CPLANE1: variants seen among roughly 807,000 people sequenced by gnomAD.
CPLANE1 encodes ciliogenesis and planar polarity effector 1.
A neutral mutation model predicts 362.5 loss-of-function variants in CPLANE1; 263 were observed. The ratio of observed to expected loss-of-function variants is 0.73; its 90% CI spans 0.66 to 0.80. The LOEUF is 0.80. Among genes scored for constraint, CPLANE1 ranks in the 30% least tolerant of loss-of-function variants. CPLANE1 has a pLI of 0.00. For missense variants in CPLANE1, 3,461 were observed against 3,793.4 expected (o/e 0.91, Z 2.30); for synonymous variants, 1,212 against 1,302.6 (o/e 0.93, Z 1.50).
At chr5:37,120,604 A>G (rs1254944290) in intron 49 of CPLANE1, among the ~76,000 whole-genome samples, 2 of 152,196 alleles carry the variant, frequency 1.3e-5, no homozygotes, top group African/African-American at 4.8e-5. Flanking sequence ...AGACCAAAAT[A>G]TAGCTCAGAT....
the CPLANE1 span, among the ~76,000 whole-genome samples, chr5:37,091,118 C>A: frequency 6.6e-6 from 1 of 152,300 alleles, no homozygotes; most frequent in Non-Finnish European, 1.5e-5. Context: ...TCCCACAATG[C>A]CCAGATTGTC....
the CPLANE1 span, among the ~76,000 whole-genome samples, chr5:37,093,342 C>T: frequency 1.3e-5 from 2 of 152,216 alleles, no homozygotes; most frequent in Non-Finnish European, 2.9e-5. Flanking sequence ...GGCATTCCAA[C>T]AGCAATTAAG....
intron 15 of CPLANE1, among the ~76,000 whole-genome samples, chr5:37,220,712 G>A (rs1795183348): frequency 6.6e-6 from 1 of 152,078 alleles, no homozygotes; most frequent in African/African-American, 2.4e-5. Context: ...AGTAGAGAAG[G>A]GGTTTCACCA....
At chr5:37,212,273 C>G in intron 16 of CPLANE1, 1 of 1,307,714 alleles carries the variant, frequency 7.6e-7, no homozygotes, top group Admixed American at 1.7e-5. Context: ...CAGATAAGAG[C>G]TCAAAAAAGA....
At chr5:37,096,553 G>T in the CPLANE1 span, among the ~76,000 whole-genome samples, 1 of 152,096 alleles carries the variant, frequency 6.6e-6, no homozygotes, top group Non-Finnish European at 1.5e-5. Context: ...AAGATAAATA[G>T]CTGGGTCTTA....
chr5:37,198,877 T>C lies in CPLANE1; in HGVS notation c.3508-11A>G. On this transcript the variant is annotated splice_polypyrimidine_tract_variant and intron_variant, in intron 19 of 52. Transcript: ENST00000651892. ...ATCATCACCATCTTCCTGAGGAAAA[T>C]AAAACAATCCATTTTAGTGGCTAGT... 3.1e-6 allele frequency: 5 copies of C among 1,612,270 alleles called. No homozygotes were observed. The highest frequency in any genetic ancestry group is 4.2e-6 in the Non-Finnish European group (5 of 1,179,016).
intron 15 of CPLANE1, among the ~76,000 whole-genome samples, chr5:37,221,111 G>A (rs991143265): frequency 1.3e-5 from 2 of 152,164 alleles, no homozygotes; most frequent in African/African-American, 2.4e-5. Flanking sequence ...AATCACCAGA[G>A]AGGTAGAACA....
intron 7 of CPLANE1, among the ~76,000 whole-genome samples, chr5:37,239,429 A>G (rs755994801): frequency 3.3e-5 from 5 of 152,106 alleles, no homozygotes; most frequent in Non-Finnish European, 7.4e-5. Flanking sequence ...AAAAAAATAC[A>G]AAAATTAGCC....
intron 43 of CPLANE1, among the ~76,000 whole-genome samples, chr5:37,144,112 TA>T (rs1418295569): frequency 6.6e-6 from 1 of 150,702 alleles, no homozygotes; most frequent in African/African-American, 2.4e-5. Flanking sequence ...CAATATAAGG[TA>T]AATAAAAGAA....
At chr5:37,241,225 G>A (rs192040272) in intron 6 of CPLANE1, among the ~76,000 whole-genome samples, 114 of 152,162 alleles carry the variant, frequency 7.5e-4, no homozygotes, top group Admixed American at 1.6e-3. Flanking sequence ...AGGCCAAGGC[G>A]GGCAGATCAT....
chr5:37,176,052 G>T, intron 30 of CPLANE1, 66 bp from the exon 31 acceptor site: 2 of 1,036,390 alleles, frequency 1.9e-6, no homozygotes, highest in Non-Finnish European at 1.5e-6. Flanking sequence ...AGGTATGAGT[G>T]ATCTATGCTC....
At chr5:37,201,521 A>T in intron 19 of CPLANE1, 70 bp downstream of exon 19, 1 of 1,277,786 alleles carries the variant, frequency 7.8e-7, no homozygotes, top group Non-Finnish European at 1.1e-6. Context: ...GATTATTATC[A>T]AGTTAATTAT....
chr5:37,181,471 A>G (rs1342183519), intron 26 of CPLANE1, among the ~76,000 whole-genome samples: 1 of 152,206 alleles, frequency 6.6e-6, no homozygotes, highest in Non-Finnish European at 1.5e-5. Context: ...GATGACTAAT[A>G]TCACAGTATC....
At chr5:37,223,279 C>T (rs1292748777) in intron 14 of CPLANE1, among the ~76,000 whole-genome samples, 2 of 152,174 alleles carry the variant, frequency 1.3e-5, no homozygotes, top group Non-Finnish European at 2.9e-5. Flanking sequence ...ATGTCAACTC[C>T]AAGAGGCTTT....
At chr5:37,165,697 T>C (rs753586980) in intron 35 of CPLANE1, 26 bp from the exon 36 acceptor site, 4 of 1,578,088 alleles carry the variant, frequency 2.5e-6, no homozygotes, top group Middle Eastern at 3.4e-4. Context: ...GCATAAAACA[T>C]ACTTTTACAA....
intron 50 of CPLANE1, 57 bp downstream of exon 50, chr5:37,120,159 G>C: frequency 6.5e-7 from 1 of 1,541,588 alleles, no homozygotes; most frequent in South Asian, 1.2e-5. Context: ...CACAACTTTG[G>C]AGACAAGAAG....
intron 35 of CPLANE1, among the ~76,000 whole-genome samples, chr5:37,166,356 CG>C (rs1778236339): frequency 6.6e-6 from 1 of 152,022 alleles, no homozygotes; most frequent in African/African-American, 2.4e-5. Flanking sequence ...CTAAAGAATA[CG>C]GTAAGATGAT....
intron 20 of CPLANE1, among the ~76,000 whole-genome samples, chr5:37,196,887 T>C (rs576035264): frequency 6.6e-6 from 1 of 151,056 alleles, no homozygotes; most frequent in African/African-American, 2.4e-5. Context: ...ACCATGCCAC[T>C]GCACCCAGCC....
chr5:37,243,238 A>G, intron 5 of CPLANE1, 119 bp from the exon 6 acceptor site: 1 of 623,596 alleles, frequency 1.6e-6, no homozygotes, highest in East Asian at 3.3e-5. Flanking sequence ...TCTTGCTTAT[A>G]CTTTTTATCC....
Sources: gnomAD v4.1 joint callset for allele counts (sites outside exome capture counted in the v4.1 genomes callset) on GRCh38, gnomAD v4.1.1 for gene constraint, MANE v1.5 for transcripts, NCBI Gene and HGNC (gene_info 2026-07-23, HGNC 2026-07-21) for gene names.